Variants in NOP2 observed in about 807,000 individuals in gnomAD.
NOP2 encodes the protein NOP2 nucleolar protein, also known as 28S rRNA (cytosine(4447)-C(5))-methyltransferase.
NOP2 carries 7 observed loss-of-function variants against 72.7 expected under a neutral mutation model. The observed-to-expected ratio is 0.10, with a 90% CI of 0.05 to 0.18. NOP2 has a LOEUF of 0.18. Among genes scored for constraint, NOP2 ranks in the 10% least tolerant of loss-of-function variants. The pLI, the probability that NOP2 is intolerant of heterozygous loss-of-function variation, is 1.00. For synonymous variants in NOP2, 387 were observed against 388.0 expected (o/e 1.00, Z 0.03); for missense variants, 954 against 1,014.7 (o/e 0.94, Z 0.81).
chr12:6,567,957 C>A (rs771317188), intron 1 of NOP2, 35 bp from the exon 2 acceptor site: 6 of 1,557,524 alleles, frequency 3.9e-6, no homozygotes, highest in Non-Finnish European at 5.3e-6. Flanking sequence ...GGTGGCGTCG[C>A]GCGTGTCGGA....
Position 6,557,608 on chromosome 12 carries a change from G to C in NOP2, c.1824C>G (p.Asp608Glu). Residue 608 changes from aspartate (D) to glutamate (E), a missense_variant, in exon 16 of 16, where the codon GAC (aspartate) becomes GAG (glutamate). Coordinates refer to ENST00000322166, the MANE Select transcript of NOP2 (RefSeq NM_001258308.2). ...CAGACTTGGGGATGACCTGAGGCAAGTCTACATTTGTAGGTGTGGCTGTTT... is the reference window on the plus strand; with the variant it reads ...CAGACTTGGGGATGACCTGAGGCAACTCTACATTTGTAGGTGTGGCTGTTT... The part of the protein sequence containing the change: ...NSETATPTNV[D>E]LPQVIPKSEN... The C allele has an allele frequency of 6.2e-7, 1 of 1,613,286 alleles. No individual in the cohort carries two copies. Among genetic ancestry groups the C allele is most frequent in the Non-Finnish European group, 8.5e-7 (1 of 1,179,594 alleles).
Position 6,560,340 on chromosome 12 carries a change from G to A in NOP2, c.1561-14C>T, listed in dbSNP as rs770479598. On this transcript the variant is annotated splice_polypyrimidine_tract_variant and intron_variant, in intron 14 of 15. Transcript: ENST00000322166. This position sits in a 1 kb window ranked among gnomAD's most constrained non-coding sequence, Gnocchi z 5.0. ...ATTCTCTTCTACCTGGATGTGGGGG[G>A]AAGACAAAGAACGGAGGAAAAAGCA... 8 of 1,611,374 alleles carry A rather than the reference G, an allele frequency of 5.0e-6. No individual in the cohort carries two copies. In the South Asian group the frequency reaches 6.6e-5, roughly 13 times the overall value.
Position 6,561,751 on chromosome 12 carries a change from T to C in NOP2, c.1120A>G (p.Met374Val), listed in dbSNP as rs746865866. Residue 374 changes from methionine to valine, a missense_variant, in exon 11 of 16, where the codon ATG becomes GTG. By Grantham distance (21) the Met-to-Val change is conservative. Coordinates refer to ENST00000322166, the MANE Select transcript of NOP2 (RefSeq NM_001258308.2). The part of the protein sequence containing the change: ...GHYMLQGASS[M>V]LPVMALAPQE... ...GGTGCCAAGGCCATGACGGGCAACA[T>C]GCTGGAGGCTCCCTGCAGCATGTAG... 1 of 1,612,272 alleles carries C rather than the reference T, an allele frequency of 6.2e-7. No homozygotes were observed. Among genetic ancestry groups the C allele is most frequent in the Non-Finnish European group, 8.5e-7 (1 of 1,179,136 alleles).
chr12:6,564,098 C>T (rs1947717450), intron 5 of NOP2, 152 bp from the exon 6 acceptor site: 39 of 1,516,320 alleles, frequency 2.6e-5, no homozygotes, highest in South Asian at 7.2e-5. Flanking sequence ...ATAAGATGGG[C>T]GCAGCATTGC....
rs760399840 is a variant in NOP2 at position 6,566,489 on chromosome 12, G to C, written c.238+40C>G. 5.5e-5 allele frequency: 87 copies of C among 1,589,808 alleles called. 1 individual carries two copies. Among genetic ancestry groups the C allele is most frequent in the African/African-American group, 1.2e-4 (9 of 74,404 alleles). ...AGTTCTTCCCTACCCAGGACCCAAA[G>C]GGACTCCTCATGTAGCATCCAGCTC... On this transcript the variant is annotated intron_variant, in intron 4 of 15. Transcript: ENST00000322166.
chr12:6,558,161 AAAAAT>A (rs1947551487), intron 15 of NOP2: 1 of 396,336 alleles, frequency 2.5e-6, no homozygotes, highest in Admixed American at 3.3e-5. Context: ...AAAAAAAAAA[AAAAAT>A]CACTGCCTAT....
Position 6,566,159 on chromosome 12 carries a change from T to C in NOP2, c.416A>G (p.Asp139Gly). 3.7e-6 allele frequency: 6 copies of C among 1,613,982 alleles called. No homozygotes were observed. The highest frequency in any genetic ancestry group is 5.1e-6 in the Non-Finnish European group (6 of 1,179,876). The change falls in exon 5 of 16, where the codon GAT (aspartate) becomes GGT (glycine). Residue 139 changes from aspartate (D) to glycine (G), a missense_variant. Asp to Gly is a moderately conservative substitution (Grantham distance 94, BLOSUM62 -1). This residue lies in a region of NOP2 where 498 missense variants were observed against 478.3 expected (regional missense o/e 1.04). Transcript: ENST00000322166. ...GTCAGCTCCATAGTCATCTACCGTATCAGCATCGTCCTCGGAGCCCCAGAG... is the reference window on the plus strand; with the variant it reads ...GTCAGCTCCATAGTCATCTACCGTACCAGCATCGTCCTCGGAGCCCCAGAG... ...GDLWGSEDDA[D>G]TVDDYGADSN...
Position 6,560,913 on chromosome 12 carries a change from A to G in NOP2, c.1347+18T>C. 6.2e-7 allele frequency: 1 copy of G among 1,613,696 alleles called. No individual in the cohort carries two copies. The highest frequency in any genetic ancestry group is 1.3e-5 in the African/African-American group (1 of 75,048). On this transcript the variant is annotated intron_variant, in intron 12 of 15. Coordinates refer to ENST00000322166, the MANE Select transcript of NOP2 (RefSeq NM_001258308.2). This position sits in a 1 kb window ranked among gnomAD's most constrained non-coding sequence, Gnocchi z 5.0. ...TCAACCGGAAGAAGCCTCAGAAGAC[A>G]CACAGCTCGAGTCTCACCTTGGGGA...
chr12:6,557,574 T>TG lies in NOP2; in HGVS notation c.1857dup (p.Ser620GlnfsTer60), dbSNP rs1565584854. 7 of 1,613,972 alleles carry TG rather than the reference T, an allele frequency of 4.3e-6. No homozygotes were observed. Among genetic ancestry groups the TG allele is most frequent in the Admixed American group, 3.3e-5 (2 of 60,014 alleles). On this transcript the variant is annotated frameshift_variant, in exon 16 of 16. Coordinates refer to ENST00000322166, the MANE Select transcript of NOP2 (RefSeq NM_001258308.2). LOFTEE classifies it low-confidence loss of function (END_TRUNC). ...CCCTTGGCTTTCTTGGCTGGCTGGC[T>TG]GCTGTTCTCAGACTTGGGGATGACC...
Position 6,567,843 on chromosome 12 carries a change from T to G in NOP2, c.76A>C (p.Thr26Pro). The G allele has an allele frequency of 1.2e-6, 2 of 1,614,026 alleles. No homozygotes were observed. The highest frequency in any genetic ancestry group is 1.6e-4 in the Middle Eastern group (1 of 6,062). ...RKARKQKGAE[T>P]ELVRFLPAVS... Reference sequence around the variant, plus strand: ...GCAGGCAAGAATCTGACGAGTTCTGTCTCGGCACCCTTCTGCTTCCGGGCC... The same window carrying G: ...GCAGGCAAGAATCTGACGAGTTCTGGCTCGGCACCCTTCTGCTTCCGGGCC... The change falls in exon 2 of 16, where the codon ACA becomes CCA. Residue 26 changes from threonine (T) to proline (P), a missense_variant. By Grantham distance (38) the Thr-to-Pro change is conservative (BLOSUM62 -1). Coordinates refer to ENST00000322166, the MANE Select transcript of NOP2 (RefSeq NM_001258308.2).
chr12:6,561,283 A>G (rs1203057714), intron 11 of NOP2, among the ~76,000 whole-genome samples: 2 of 152,184 alleles, frequency 1.3e-5, no homozygotes, highest in Non-Finnish European at 2.9e-5. Flanking sequence ...TTTACCAAAC[A>G]CCTATGTGGT....
At chr12:6,563,567 T>C in intron 7 of NOP2, 47 bp downstream of exon 7, 1 of 1,608,664 alleles carries the variant, frequency 6.2e-7, no homozygotes, top group Non-Finnish European at 8.5e-7. Flanking sequence ...GAAATCCCTC[T>C]CCCAACCACC....
intron 15 of NOP2, 64 bp from the exon 16 acceptor site, chr12:6,557,706 CAT>C (rs1157646785): frequency 2.6e-5 from 38 of 1,468,940 alleles, no homozygotes; most frequent in Non-Finnish European, 3.3e-5. Flanking sequence ...TTAATATTCT[CAT>C]ATTAAAATAT....
At position 6,556,902 on chromosome 12, in the gene NOP2, G is replaced by C. The variant is rs765222325; in HGVS notation, c.*91C>G. 3.1e-5 allele frequency: 43 copies of C among 1,400,836 alleles called. No individual in the cohort carries two copies. The highest frequency in any genetic ancestry group is 4.0e-5 in the Non-Finnish European group (41 of 1,021,952). 86.8% of individuals were successfully genotyped at this position (1,400,836 alleles called of 1,614,324 possible). ...TTTTAAAATGTGTATTAAATTTCAT[G>C]GGTATGCACAGTAGAGAAGGCATCC... On this transcript the variant is annotated 3_prime_UTR_variant, in exon 16 of 16. Transcript: ENST00000322166.
Position 6,557,242 on chromosome 12 carries a change from C to G in NOP2, c.2190G>C (p.Val730=), listed in dbSNP as rs767323361. 4.3e-6 allele frequency: 7 copies of G among 1,613,900 alleles called. No homozygotes were observed. Among genetic ancestry groups the G allele is most frequent in the Non-Finnish European group, 5.9e-6 (7 of 1,179,908 alleles). The part of the protein sequence containing the change: ...PKGTDTQTPA[V]LSPSKTQATL... ...TGGCCTGAGTCTTGGATGGGGATAACACAGCCGGTGTTTGTGTGTCTGTGC... is the reference window on the plus strand; with the variant it reads ...TGGCCTGAGTCTTGGATGGGGATAAGACAGCCGGTGTTTGTGTGTCTGTGC... Residue 730 remains valine, a synonymous_variant, in exon 16 of 16, where the codon GTG becomes GTC. Transcript: ENST00000322166.
rs1302260131 is a variant in NOP2 at position 6,566,805 on chromosome 12, T to C, written c.121A>G (p.Lys41Glu). 3 of 1,612,878 alleles carry C rather than the reference T, an allele frequency of 1.9e-6. No individual in the cohort carries two copies. The African/African-American group carries it at 4.0e-5, about 22-fold the overall frequency. ...FLPAVSDENS[K>E]RLSSRARKRA... is the part of the protein sequence containing the mutation. ...TTTCGAGCACGACTAGACAGCCTCT[T>C]GGAATTTTCGTCACTTACTGTTTAA... The change falls in exon 3 of 16, where the codon AAG (lysine) becomes GAG (glutamate). Residue 41 changes from lysine (K) to glutamate (E), a missense_variant. Transcript: ENST00000322166.
Position 6,557,242 on chromosome 12 carries a change from C to T in NOP2, c.2190G>A (p.Val730=). 1 of 1,614,018 alleles carries T rather than the reference C, an allele frequency of 6.2e-7. No individual in the cohort carries two copies. Among genetic ancestry groups the T allele is most frequent in the Admixed American group, 1.7e-5 (1 of 60,024 alleles). Residue 730 remains valine (V), a synonymous_variant, in exon 16 of 16, where the codon GTG becomes GTA. Coordinates refer to ENST00000322166, the MANE Select transcript of NOP2 (RefSeq NM_001258308.2). ...TGGCCTGAGTCTTGGATGGGGATAA[C>T]ACAGCCGGTGTTTGTGTGTCTGTGC... The part of the protein sequence containing the change: ...PKGTDTQTPA[V]LSPSKTQATL...
intron 2 of NOP2, among the ~76,000 whole-genome samples, chr12:6,567,202 G>A (rs191385979): frequency 2.1e-3 from 323 of 152,050 alleles, no homozygotes; most frequent in Non-Finnish European, 2.8e-3. Flanking sequence ...CACCTGCCTC[G>A]GCCTCCCAAA....
chr12:6,566,491 G>C (rs761613875), intron 4 of NOP2, 38 bp downstream of exon 4: 2 of 1,590,028 alleles, frequency 1.3e-6, no homozygotes, highest in Non-Finnish European at 1.7e-6. Context: ...GACCCAAAGG[G>C]ACTCCTCATG....
Sources: gnomAD v4.1 joint callset for allele counts (sites outside exome capture counted in the v4.1 genomes callset) on GRCh38, gnomAD v4.1.1 for gene constraint, gnomAD v4.1.1 regional missense constraint, Gnocchi (gnomAD v3.1) non-coding constraint, MANE v1.5 for transcripts, NCBI Gene and HGNC (gene_info 2026-07-23, HGNC 2026-07-21) for gene names.